The following CYP46A1 variants were observed in gnomAD, a reference collection of about 807,000 sequenced individuals.
CYP46A1 encodes cytochrome P450 family 46 subfamily A member 1, also known as cholesterol 24-hydroxylase.
In CYP46A1, 20 loss-of-function variants were observed where a neutral mutation model predicts 63.3. That is an observed-to-expected ratio of 0.32 (90% CI 0.22 to 0.46). The LOEUF (loss-of-function observed/expected upper bound fraction) is 0.46, where lower values mean the gene tolerates loss of function less well. Ranked by LOEUF, CYP46A1 falls within the 20% of genes least tolerant of loss-of-function variation. The pLI, the probability that CYP46A1 is intolerant of heterozygous loss-of-function variation, is 1.00. For missense variants in CYP46A1, 445 were observed against 670.8 expected (o/e 0.66, Z 3.72); for synonymous variants, 268 against 273.6 (o/e 0.98, Z 0.20).
chr14:99,709,518 T>C (rs1281185532), intron 7 of CYP46A1: 1 of 152,118 alleles, frequency 6.6e-6, no homozygotes, highest in African/African-American at 2.4e-5. Flanking sequence ...AAAGAAAAGA[T>C]TGAAGAAAGC....
chr14:99,700,250 T>G (rs2056619673), intron 5 of CYP46A1, 149 bp downstream of exon 5: 2 of 435,682 alleles, frequency 4.6e-6, no homozygotes, highest in Non-Finnish European at 7.9e-6. Context: ...AGACAGGGTG[T>G]TAATAGTCAA....
intron 7 of CYP46A1, chr14:99,712,877 ACTACCCGATTTCAAAATCTAC>A (rs2056747521): frequency 6.6e-6 from 1 of 152,206 alleles, no homozygotes; most frequent in African/African-American, 2.4e-5. Flanking sequence ...GAGGCACCAT[ACTACCCGATTTCAAAATCTAC>A]TATAAAGCTA....
At chr14:99,685,317 G>GCC (rs34816218) in intron 1 of CYP46A1, among the ~76,000 whole-genome samples, 10,174 of 42,726 alleles carry the variant, frequency 0.24, 1,393 homozygotes, top group South Asian at 0.29. Context: ...CCCTCCCCCC[G>GCC]CCCCCCCCGC....
At chr14:99,687,905 C>G (rs1270667534) in intron 1 of CYP46A1, among the ~76,000 whole-genome samples, 1 of 152,066 alleles carries the variant, frequency 6.6e-6, no homozygotes, top group African/African-American at 2.4e-5. Flanking sequence ...TTAGCCTTAC[C>G]TGCTTGTTTT....
chr14:99,726,304 G>C lies in CYP46A1; in HGVS notation c.1332+48G>C, dbSNP rs201291132. The C allele has an allele frequency of 1.4e-5, 23 of 1,586,762 alleles. No individual in the cohort carries two copies. In the East Asian group the frequency reaches 4.7e-4, roughly 33 times the overall value. Reference sequence around the variant, plus strand: ...TCTGCCCAGGAGTAGCTGCAGGGGTGGGGGCTCATCCTGAGCCGGGAAGCA... The same window carrying C: ...TCTGCCCAGGAGTAGCTGCAGGGGTCGGGGCTCATCCTGAGCCGGGAAGCA... On this transcript the variant is annotated intron_variant, in intron 14 of 14. Coordinates refer to ENST00000261835, the MANE Select transcript of CYP46A1 (RefSeq NM_006668.2).
rs148065330 is a variant in CYP46A1 at position 99,719,870 on chromosome 14, T to A, written c.981-1369T>A. Among the ~76,000 whole-genome samples, 571 of 151,984 alleles carry A rather than the reference T, an allele frequency of 3.8e-3. 5 individuals are homozygous for A. The highest frequency in any genetic ancestry group is 0.013 in the African/African-American group (532 of 41,416). ...TCCACCTCCCGGGTTCACGCCATTC[T>A]TCTGCCTCAGCCTCCCAAGTAGCTG... On this transcript the variant is annotated intron_variant, in intron 10 of 14. Transcript: ENST00000261835.
intron 7 of CYP46A1, chr14:99,712,142 T>C (rs1428006409): frequency 2.6e-5 from 4 of 152,188 alleles, no homozygotes; most frequent in Non-Finnish European, 5.9e-5. Context: ...TAGCTCAACA[T>C]AATGAAGGTC....
At chr14:99,696,234 T>A (rs1006850576) in intron 3 of CYP46A1, among the ~76,000 whole-genome samples, 13 of 152,204 alleles carry the variant, frequency 8.5e-5, no homozygotes, top group Non-Finnish European at 1.8e-4. Context: ...ATTAAGTATG[T>A]TTTAGTATTC....
At chr14:99,685,714 G>A (rs111502855) in intron 1 of CYP46A1, among the ~76,000 whole-genome samples, 5 of 151,972 alleles carry the variant, frequency 3.3e-5, no homozygotes, top group Non-Finnish European at 7.4e-5. Flanking sequence ...ATGTACTGGC[G>A]TTAGAAGCCT....
At chr14:99,720,109 G>A (rs188915419) in intron 10 of CYP46A1, among the ~76,000 whole-genome samples, 2 of 151,952 alleles carry the variant, frequency 1.3e-5, no homozygotes, top group South Asian at 2.1e-4. Flanking sequence ...TGTAAGCATC[G>A]GTCCCATTTT....
intron 4 of CYP46A1, 37 bp from the exon 5 acceptor site, chr14:99,699,978 C>A (rs760058575): frequency 9.0e-6 from 5 of 558,582 alleles, no homozygotes; most frequent in Non-Finnish European, 1.2e-5. Flanking sequence ...CCCCACCCCC[C>A]ACCCTCTTTC....
At chr14:99,690,455 T>C (rs897873194) in intron 1 of CYP46A1, among the ~76,000 whole-genome samples, 6 of 152,220 alleles carry the variant, frequency 3.9e-5, no homozygotes, top group Non-Finnish European at 8.8e-5. Flanking sequence ...TGTCACCCAT[T>C]GGGGATGCTG....
intron 13 of CYP46A1, 27 bp from the exon 14 acceptor site, chr14:99,726,163 C>T (rs1441532289): frequency 6.2e-7 from 1 of 1,605,620 alleles, no homozygotes; most frequent in Non-Finnish European, 8.5e-7. Context: ...GGGCTGCTGG[C>T]CTCGTGATTC....
At chr14:99,726,417 A>G (rs2056898656) in intron 14 of CYP46A1, 140 bp from the exon 15 acceptor site, 13 of 1,155,282 alleles carry the variant, frequency 1.1e-5, no homozygotes, top group South Asian at 1.7e-5. Context: ...TTTTGCACGG[A>G]GGAGAGCGCA....
intron 10 of CYP46A1, among the ~76,000 whole-genome samples, chr14:99,720,263 T>C (rs1434099071): frequency 2.0e-5 from 3 of 152,208 alleles, no homozygotes; most frequent in African/African-American, 7.2e-5. Context: ...AGAAGTGGGA[T>C]TGCTGGATCA....
chr14:99,685,101 C>G (rs867160123), intron 1 of CYP46A1, among the ~76,000 whole-genome samples: 1 of 122,618 alleles, frequency 8.2e-6, no homozygotes, highest in African/African-American at 3.0e-5. Flanking sequence ...CCCCCCCACC[C>G]CCAGCTTAGC....
chr14:99,706,910 T>C, intron 6 of CYP46A1, 125 bp downstream of exon 6: 1 of 1,207,278 alleles, frequency 8.3e-7, no homozygotes, highest in African/African-American at 1.5e-5. Flanking sequence ...AATTCCTCTG[T>C]GCTTCATATA....
At chr14:99,707,470 C>A in intron 6 of CYP46A1, 98 bp from the exon 7 acceptor site, 1 of 899,726 alleles carries the variant, frequency 1.1e-6, no homozygotes, top group Non-Finnish European at 1.8e-6. Context: ...AACCCTTAGC[C>A]CAGAGTCCAG....
At chr14:99,702,558 G>C (rs756578753) in intron 5 of CYP46A1, among the ~76,000 whole-genome samples, 2 of 152,092 alleles carry the variant, frequency 1.3e-5, no homozygotes, top group Non-Finnish European at 2.9e-5. Flanking sequence ...TAGAAAAATT[G>C]CCAGAATAGT....
Sources: gnomAD v4.1 joint callset for allele counts (sites outside exome capture counted in the v4.1 genomes callset) on GRCh38, gnomAD v4.1.1 for gene constraint, MANE v1.5 for transcripts, NCBI Gene and HGNC (gene_info 2026-07-23, HGNC 2026-07-21) for gene names.